The following SOX6 variants were observed in gnomAD, a reference collection of about 807,000 sequenced individuals.
The protein encoded by SOX6 is transcription factor SOX-6.
Under a neutral mutation model 97.8 loss-of-function variants are expected in SOX6, and 11 were observed. The observed-to-expected ratio is 0.11, with a 90% CI of 0.07 to 0.19. SOX6 has a LOEUF of 0.19. SOX6 is among the 10% of genes least tolerant of loss of function. The pLI is 1.00. For synonymous variants in SOX6, 360 were observed against 371.4 expected, an observed-to-expected ratio of 0.97 and a Z score of 0.35; for missense variants, 810 against 1,039.5, an observed-to-expected ratio of 0.78 and a Z score of 3.04.
intron 9 of SOX6, among the ~76,000 whole-genome samples, chr11:16,078,083 T>G (rs1425771679): frequency 6.6e-6 from 1 of 152,320 alleles, no homozygotes; most frequent in Non-Finnish European, 1.5e-5. Flanking sequence ...AATTTGTAAT[T>G]TAGTTCTTGA....
intron 3 of SOX6, among the ~76,000 whole-genome samples, chr11:16,704,904 C>T (rs755306892): frequency 1.3e-5 from 2 of 152,104 alleles, no homozygotes; most frequent in African/African-American, 2.4e-5. Context: ...CTCTTGACAA[C>T]TTTTTAAAAC....
chr11:16,599,567 T>C (rs1181074820), intron 4 of SOX6, among the ~76,000 whole-genome samples: 1 of 152,134 alleles, frequency 6.6e-6, no homozygotes, highest in African/African-American at 2.4e-5. Context: ...ACTTGAAGTA[T>C]CATGAAAGAG....
At chr11:16,150,744 T>A (rs1286501460) in intron 6 of SOX6, among the ~76,000 whole-genome samples, 3 of 152,208 alleles carry the variant, frequency 2.0e-5, no homozygotes, top group Non-Finnish European at 4.4e-5. Context: ...TAAGCCATTT[T>A]TTTGCATCAT....
At chr11:16,450,886 GA>G (rs1266717910) in intron 1 of SOX6, among the ~76,000 whole-genome samples, 1 of 152,140 alleles carries the variant, frequency 6.6e-6, no homozygotes, top group Non-Finnish European at 1.5e-5. Context: ...AATGTTTGTA[GA>G]AAAGAACACA....
At position 16,493,776 on chromosome 11, in the gene SOX6, T is replaced by C. The variant is rs531783667; in HGVS notation, n.610-17388A>G. Among the ~76,000 whole-genome samples, 6 of 152,134 alleles carry C rather than the reference T, an allele frequency of 3.9e-5. No individual in the cohort carries two copies. The South Asian group carries it at 6.2e-4, about 16-fold the overall frequency. On this transcript the variant is annotated intron_variant and non_coding_transcript_variant, in intron 4 of 5. Transcript: ENST00000524520. Reference sequence around the variant, plus strand: ...CAGTTTTCACCTGTATGGTCCAGAGTATACAGAAATAAGCGTTCTCAAACA... The same window carrying C: ...CAGTTTTCACCTGTATGGTCCAGAGCATACAGAAATAAGCGTTCTCAAACA...
intron 6 of SOX6, among the ~76,000 whole-genome samples, chr11:16,120,561 C>CAT (rs71455877): frequency 0.31 from 44,635 of 144,724 alleles, 7,275 homozygotes; most frequent in Non-Finnish European, 0.39. Context: ...GCTAACTTCA[C>CAT]ATATATATAT....
At chr11:16,005,496 TA>T (rs1854523025) in intron 13 of SOX6, among the ~76,000 whole-genome samples, 1 of 152,014 alleles carries the variant, frequency 6.6e-6, no homozygotes, top group Admixed American at 6.6e-5. Flanking sequence ...ACTATGAAAT[TA>T]TAATAAATGG....
At chr11:16,163,163 G>A (rs1261812907) in intron 6 of SOX6, among the ~76,000 whole-genome samples, 1 of 152,116 alleles carries the variant, frequency 6.6e-6, no homozygotes, top group Non-Finnish European at 1.5e-5. Flanking sequence ...CTCATACAGA[G>A]AACATTACAT....
chr11:16,479,042 C>T (rs1656840810), upstream of SOX6, among the ~76,000 whole-genome samples: 1 of 151,878 alleles, frequency 6.6e-6, no homozygotes, highest in African/African-American at 2.4e-5. Flanking sequence ...AGTAAGAACA[C>T]AAAAATTTAA....
intron 3 of SOX6, among the ~76,000 whole-genome samples, chr11:16,666,486 A>C (rs1847807532): frequency 1.3e-5 from 2 of 152,240 alleles, no homozygotes; most frequent in South Asian, 4.1e-4. Flanking sequence ...AGAAAGAATT[A>C]GTGAGCTTGA....
intron 6 of SOX6, among the ~76,000 whole-genome samples, chr11:16,146,962 A>C (rs530313769): frequency 2.8e-4 from 42 of 152,320 alleles, no homozygotes; most frequent in African/African-American, 9.4e-4. Flanking sequence ...TCAAGGATCC[A>C]GAACTAGAAA....
intron 3 of SOX6, among the ~76,000 whole-genome samples, chr11:16,241,149 T>C (rs534609165): frequency 2.2e-4 from 33 of 152,204 alleles, no homozygotes; most frequent in South Asian, 2.1e-3. Context: ...CTTTATTTTG[T>C]TTGAATTAAA....
intron 4 of SOX6, among the ~76,000 whole-genome samples, chr11:16,543,809 G>A (rs990398235): frequency 2.0e-5 from 3 of 152,170 alleles, no homozygotes; most frequent in African/African-American, 7.2e-5. Context: ...TGCACATGCT[G>A]TGGAAAATAG....
At chr11:16,638,770 G>GT (rs1028093861) in intron 3 of SOX6, among the ~76,000 whole-genome samples, 66 of 152,182 alleles carry the variant, frequency 4.3e-4, no homozygotes, top group African/African-American at 1.5e-3. Context: ...GAGGTTGTTT[G>GT]TTTTTTTCTT....
chr11:16,382,170 A>G (rs1412353690), intron 1 of SOX6: 1 of 148,398 alleles, frequency 6.7e-6, no homozygotes, highest in African/African-American at 2.6e-5. Flanking sequence ...TTCTCTCCCA[A>G]CCATCATCAA....
At chr11:16,542,535 A>G (rs910081828) in intron 4 of SOX6, among the ~76,000 whole-genome samples, 7 of 152,188 alleles carry the variant, frequency 4.6e-5, no homozygotes, top group Admixed American at 4.6e-4. Flanking sequence ...TGTTTGAACT[A>G]TTAAGTTAAA....
In SOX6 at chr11:16,609,258, G is replaced by A. The variant is rs528993536; in HGVS notation, n.609+2823C>T. Among the ~76,000 whole-genome samples the A allele has an allele frequency of 1.6e-4, 24 of 152,308 alleles. No individual in the cohort carries two copies. In the Middle Eastern group the frequency reaches 0.014, roughly 86 times the overall value. On this transcript the variant is annotated intron_variant and non_coding_transcript_variant, in intron 4 of 5. Coordinates refer to the SOX6 transcript ENST00000524520. ...GTGAGGTTGGCCTGCCTTAACCCAG[G>A]CCCAAAGAAATAGACTAGATTTGAG...
chr11:16,414,932 A>C (rs1398284310), intron 1 of SOX6, among the ~76,000 whole-genome samples: 1 of 152,154 alleles, frequency 6.6e-6, no homozygotes, highest in Non-Finnish European at 1.5e-5. Context: ...ATTGTTATTC[A>C]ATATTAGAAG....
intron 14 of SOX6, among the ~76,000 whole-genome samples, chr11:15,988,741 C>T (rs1304335041): frequency 6.6e-6 from 1 of 152,212 alleles, no homozygotes; most frequent in Non-Finnish European, 1.5e-5. Flanking sequence ...ATAGTTTTGT[C>T]TCTGAAATAA....
Sources: gnomAD v4.1 joint callset for allele counts (sites outside exome capture counted in the v4.1 genomes callset) on GRCh38, gnomAD v4.1.1 for gene constraint, MANE v1.5 for transcripts, NCBI Gene and HGNC (gene_info 2026-07-23, HGNC 2026-07-21) for gene names.